Variants in SPMIP7 observed in about 807,000 individuals in gnomAD.
SPMIP7 encodes the protein protein SPMIP7.
the SPMIP7 span, among the ~76,000 whole-genome samples, chr7:50,116,604 T>A: frequency 6.6e-6 from 1 of 152,164 alleles, no homozygotes; most frequent in South Asian, 2.1e-4. Flanking sequence ...AAAACCTAAA[T>A]AGACAGGGCA....
chr7:50,133,422 G>A, the SPMIP7 span, among the ~76,000 whole-genome samples: 4 of 152,098 alleles, frequency 2.6e-5, no homozygotes, highest in African/African-American at 7.2e-5. Context: ...CTGACCTTAA[G>A]CAAAGGAAAT....
At chr7:50,135,989 C>A in the SPMIP7 span, 1 of 756,004 alleles carries the variant, frequency 1.3e-6, no homozygotes, top group Non-Finnish European at 2.3e-6. Flanking sequence ...TCCTAGGGAG[C>A]CTGGGGCATA....
chr7:50,128,088 G>T, the SPMIP7 span, among the ~76,000 whole-genome samples: 1 of 150,290 alleles, frequency 6.7e-6, no homozygotes, highest in Non-Finnish European at 1.5e-5. Context: ...GGATGAATGG[G>T]TAGAGAAAAT....
At chr7:50,098,842 G>GGC in the SPMIP7 span, among the ~76,000 whole-genome samples, 2 of 151,358 alleles carry the variant, frequency 1.3e-5, no homozygotes, top group African/African-American at 4.9e-5. Context: ...CGAATCTGGG[G>GGC]GGATACAGAC....
At chr7:50,141,644 C>T in the SPMIP7 span, 3 of 375,352 alleles carry the variant, frequency 8.0e-6, no homozygotes, top group African/African-American at 4.0e-5. Flanking sequence ...AAAAAAAATG[C>T]CACCAAGCAA....
At chr7:50,098,315 T>C in the SPMIP7 span, among the ~76,000 whole-genome samples, 1 of 152,206 alleles carries the variant, frequency 6.6e-6, no homozygotes, top group East Asian at 1.9e-4. Context: ...TTAACAATTC[T>C]AAACTTATTC....
chr7:50,150,223 A>C, the SPMIP7 span, among the ~76,000 whole-genome samples: 1 of 152,074 alleles, frequency 6.6e-6, no homozygotes, highest in East Asian at 1.9e-4. Context: ...TTCCTCCACC[A>C]CCCACAGAGG....
the SPMIP7 span, among the ~76,000 whole-genome samples, chr7:50,139,399 A>G: frequency 1.3e-5 from 2 of 152,030 alleles, no homozygotes; most frequent in Non-Finnish European, 2.9e-5. Context: ...AGCAAGCTGA[A>G]GTTGATGATA....
the SPMIP7 span, among the ~76,000 whole-genome samples, chr7:50,123,002 A>T: frequency 0.3 from 42,779 of 142,122 alleles, 8,062 homozygotes; most frequent in Non-Finnish European, 0.43. Flanking sequence ...TGTGGAAGTC[A>T]GTGTGGCCAT....
chr7:50,132,729 A>C, the SPMIP7 span, among the ~76,000 whole-genome samples: 3 of 152,188 alleles, frequency 2.0e-5, no homozygotes, highest in Non-Finnish European at 4.4e-5. Flanking sequence ...CACTAATTTT[A>C]AGATAAGTAA....
chr7:50,104,885 C>A, the SPMIP7 span, among the ~76,000 whole-genome samples: 80 of 152,276 alleles, frequency 5.3e-4, 1 homozygote, highest in African/African-American at 1.9e-3. Context: ...TGTCTTCCCT[C>A]CCCTTGGCCT....
At chr7:50,110,053 A>T in the SPMIP7 span, among the ~76,000 whole-genome samples, 1 of 152,144 alleles carries the variant, frequency 6.6e-6, no homozygotes. Flanking sequence ...GGAATTGAGG[A>T]TCAATTCTGC....
the SPMIP7 span, among the ~76,000 whole-genome samples, chr7:50,156,165 G>T: frequency 6.6e-6 from 1 of 152,292 alleles, no homozygotes; most frequent in South Asian, 2.1e-4. Context: ...TAGCAGGAAG[G>T]CCTGGCCCTT....
the SPMIP7 span, among the ~76,000 whole-genome samples, chr7:50,145,703 T>C: frequency 6.4e-5 from 9 of 140,264 alleles, no homozygotes; most frequent in African/African-American, 2.1e-4. Context: ...CTAACATATA[T>C]GCATCTCACA....
the SPMIP7 span, chr7:50,120,338 A>C: frequency 6.6e-6 from 1 of 152,152 alleles, no homozygotes; most frequent in African/African-American, 2.4e-5. Context: ...TTGGGAAAAA[A>C]TCTTGAAATT....
the SPMIP7 span, among the ~76,000 whole-genome samples, chr7:50,143,988 A>G: frequency 2.0e-5 from 3 of 152,296 alleles, no homozygotes; most frequent in African/African-American, 7.2e-5. Context: ...TTGTTTCCAT[A>G]TTCTTTATAT....
At chr7:50,116,148 C>A in the SPMIP7 span, among the ~76,000 whole-genome samples, 1 of 152,180 alleles carries the variant, frequency 6.6e-6, no homozygotes, top group African/African-American at 2.4e-5. Flanking sequence ...CAGAGTCCTG[C>A]TTTGTCACCC....
chr7:50,157,715 G>A, the SPMIP7 span, among the ~76,000 whole-genome samples: 1 of 152,106 alleles, frequency 6.6e-6, no homozygotes, highest in African/African-American at 2.4e-5. Flanking sequence ...GTGTAATTCA[G>A]ATAGCAACAA....
At chr7:50,127,345 G>C in the SPMIP7 span, among the ~76,000 whole-genome samples, 2 of 151,652 alleles carry the variant, frequency 1.3e-5, no homozygotes, top group African/African-American at 4.8e-5. Flanking sequence ...ACATTGGTCT[G>C]GTCAAATATA....
Sources: gnomAD v4.1 joint callset for allele counts (sites outside exome capture counted in the v4.1 genomes callset) on GRCh38, gnomAD v4.1.1 for gene constraint, MANE v1.5 for transcripts, NCBI Gene and HGNC (gene_info 2026-07-23, HGNC 2026-07-21) for gene names.